The following KIRREL3 variants were observed in gnomAD, a reference collection of about 807,000 sequenced individuals.
KIRREL3 encodes the protein kin of IRRE-like protein 3.
A neutral mutation model predicts 89.7 loss-of-function variants in KIRREL3; 36 were observed. The ratio of observed to expected loss-of-function variants is 0.40; its 90% CI spans 0.31 to 0.53. The LOEUF (loss-of-function observed/expected upper bound fraction) is 0.53. Ranked by LOEUF, KIRREL3 falls within the 20% of genes least tolerant of loss-of-function variation. The pLI, the probability that KIRREL3 is intolerant of heterozygous loss-of-function variation, is 0.49. For synonymous variants in KIRREL3, 445 were observed against 441.4 expected (o/e 1.01, Z -0.10); for missense variants, 864 against 1,056.6 (o/e 0.82, Z 2.53).
At chr11:126,603,681 G>A (rs1248944932) in intron 1 of KIRREL3, among the ~76,000 whole-genome samples, 1 of 152,256 alleles carries the variant, frequency 6.6e-6, no homozygotes, top group Non-Finnish European at 1.5e-5. Context: ...GCAGCACATG[G>A]CTGCATGTTT....
At chr11:126,503,621 G>A (rs1293067965) in intron 4 of KIRREL3, among the ~76,000 whole-genome samples, 9 of 152,280 alleles carry the variant, frequency 5.9e-5, no homozygotes, top group East Asian at 1.9e-4. Context: ...GATGGCCTCC[G>A]GCTGCAGTTA....
chr11:126,890,533 C>T lies in KIRREL3; in HGVS notation c.55+109922G>A, dbSNP rs535131733. Among the ~76,000 whole-genome samples the T allele has an allele frequency of 7.9e-5, 12 of 152,056 alleles. No individual in the cohort carries two copies. In the East Asian group the frequency reaches 1.7e-3, roughly 22 times the overall value. On this transcript the variant is annotated intron_variant, in intron 1 of 16. Transcript: ENST00000525144. The surrounding 1 kb of genome is among the most constrained non-coding windows in gnomAD (Gnocchi z 5.1). The stretch of plus-strand genomic sequence containing the variant: ...CAAGCACTTTGCCATTTAATGGTGA[C>T]CAAATCCCTCCAGTTTTCTGCTCCC...
rs886244225 is a variant in KIRREL3, at chr11:126,783,920, A to G, written c.55+216535T>C. 2.2e-4 allele frequency among the ~76,000 whole-genome samples: 33 copies of G among 152,224 alleles called. No homozygotes were observed. Among genetic ancestry groups the G allele is most frequent in the African/African-American group, 7.5e-4 (31 of 41,454 alleles). ...AACAGTGATGTGCCATGTTGATAGCACACACCCTTGATAGGATACGATGGA... is the reference window on the plus strand; with the variant it reads ...AACAGTGATGTGCCATGTTGATAGCGCACACCCTTGATAGGATACGATGGA... On this transcript the variant is annotated intron_variant, in intron 1 of 16. Transcript: ENST00000525144. The surrounding 1 kb of genome is among the most constrained non-coding windows in gnomAD (Gnocchi z 4.3).
intron 1 of KIRREL3, among the ~76,000 whole-genome samples, chr11:126,602,509 T>C (rs1024740218): frequency 1.3e-5 from 2 of 152,202 alleles, no homozygotes; most frequent in Non-Finnish European, 2.9e-5. Context: ...CCCTGACAGA[T>C]GAGGGAGAGG....
intron 1 of KIRREL3, among the ~76,000 whole-genome samples, chr11:126,888,864 GA>G (rs1347337739): frequency 6.6e-6 from 1 of 152,174 alleles, no homozygotes; most frequent in Non-Finnish European, 1.5e-5. Context: ...TACACACCTG[GA>G]TTGCTGGTGC....
intron 1 of KIRREL3, among the ~76,000 whole-genome samples, chr11:126,582,300 G>A (rs1941592510): frequency 6.6e-6 from 1 of 152,240 alleles, no homozygotes; most frequent in Admixed American, 6.5e-5. Context: ...AGGATGCACT[G>A]CTTGCTAGTG....
chr11:126,784,866 A>C (rs950115812), intron 1 of KIRREL3, among the ~76,000 whole-genome samples: 1 of 152,194 alleles, frequency 6.6e-6, no homozygotes, highest in Non-Finnish European at 1.5e-5. Context: ...AGTCAATTAC[A>C]TCATAGATTA....
rs1169323487 is a variant in KIRREL3 at position 126,805,141 on chromosome 11, T to C, written c.55+195314A>G. Reference sequence around the variant, plus strand: ...TGAAGGAGTTATATGTGTGTGCATGTATGTATTCATACATTAATGTATTAA... The same window carrying C: ...TGAAGGAGTTATATGTGTGTGCATGCATGTATTCATACATTAATGTATTAA... On this transcript the variant is annotated intron_variant, in intron 1 of 16. Transcript: ENST00000525144. The surrounding 1 kb of genome is among the most constrained non-coding windows in gnomAD (Gnocchi z 4.3). Among the ~76,000 whole-genome samples the C allele has an allele frequency of 2.6e-5, 4 of 152,242 alleles. No individual in the cohort carries two copies. The highest frequency in any genetic ancestry group is 9.6e-5 in the African/African-American group (4 of 41,472).
At chr11:126,845,808 A>C (rs767425908) in intron 1 of KIRREL3, among the ~76,000 whole-genome samples, 4 of 152,192 alleles carry the variant, frequency 2.6e-5, no homozygotes, top group Admixed American at 6.5e-5. Context: ...AAGTTGGATA[A>C]AAAAAGATTT....
At chr11:126,855,260 C>T (rs1293185368) in intron 1 of KIRREL3, among the ~76,000 whole-genome samples, 4 of 152,202 alleles carry the variant, frequency 2.6e-5, no homozygotes, top group Admixed American at 6.5e-5. Context: ...TGGGCAGATT[C>T]GCCCTTGCGT....
intron 4 of KIRREL3, among the ~76,000 whole-genome samples, chr11:126,505,051 C>T (rs1680641708): frequency 6.6e-6 from 1 of 152,322 alleles, no homozygotes; most frequent in Middle Eastern, 3.4e-3. Context: ...TAACATTATA[C>T]TTTAAAATAG....
rs530027837 is a variant in KIRREL3, at chr11:126,611,431, C to T, written c.56-48519G>A. On this transcript the variant is annotated intron_variant, in intron 1 of 16. Coordinates refer to ENST00000525144, the MANE Select transcript of KIRREL3 (RefSeq NM_032531.4). This position sits in a 1 kb window ranked among gnomAD's most constrained non-coding sequence, Gnocchi z 4.7. ...CATCAGTCTGCATTCTCCTTGCCGT[C>T]CTTGGTATGCACACACATGCATGGA... Among the ~76,000 whole-genome samples the T allele has an allele frequency of 1.3e-5, 2 of 152,188 alleles. No homozygotes were observed. The highest frequency in any genetic ancestry group is 2.9e-5 in the Non-Finnish European group (2 of 68,044).
chr11:126,475,699 C>T lies in KIRREL3; in HGVS notation c.434-2233G>A, dbSNP rs1957044648. ...CGACCCCCCAGCCGCCCACCCCACA[C>T]CCTTTCATTAGTGCCCATGGGCCTC... On this transcript the variant is annotated intron_variant, in intron 4 of 16. Coordinates refer to ENST00000525144, the MANE Select transcript of KIRREL3 (RefSeq NM_032531.4). This position sits in a 1 kb window ranked among gnomAD's most constrained non-coding sequence, Gnocchi z 7.5. 1.3e-5 allele frequency among the ~76,000 whole-genome samples: 2 copies of T among 152,256 alleles called. No individual in the cohort carries two copies. Among genetic ancestry groups the T allele is most frequent in the South Asian group, 4.1e-4 (2 of 4,836 alleles).
chr11:126,770,551 G>A (rs1203101418), intron 1 of KIRREL3, among the ~76,000 whole-genome samples: 3 of 152,158 alleles, frequency 2.0e-5, no homozygotes, highest in Non-Finnish European at 4.4e-5. Flanking sequence ...AACGGAAGGC[G>A]AAGCACATCG....
rs950751282 is a variant in KIRREL3, at chr11:126,780,534, G to T, written c.56-217622C>A. Among the ~76,000 whole-genome samples the T allele has an allele frequency of 5.3e-5, 8 of 152,184 alleles. No individual in the cohort carries two copies. Among genetic ancestry groups the T allele is most frequent in the African/African-American group, 1.9e-4 (8 of 41,448 alleles). ...TCTTTGAAAAATGAATTTGGGGGCT[G>T]AGATTTCTCATCAGTATATATCTTC... On this transcript the variant is annotated intron_variant, in intron 1 of 16. Coordinates refer to ENST00000525144, the MANE Select transcript of KIRREL3 (RefSeq NM_032531.4). The surrounding 1 kb of genome is among the most constrained non-coding windows in gnomAD (Gnocchi z 5.3).
Position 126,571,912 on chromosome 11 carries a change from T to C in KIRREL3, c.56-9000A>G, listed in dbSNP as rs1347977989. Reference sequence around the variant, plus strand: ...GTGGGGGAACAGAGAAATAGGATCATGAAGGCCATTCCTGTCCTCCAGTCT... The same window carrying C: ...GTGGGGGAACAGAGAAATAGGATCACGAAGGCCATTCCTGTCCTCCAGTCT... On this transcript the variant is annotated intron_variant, in intron 1 of 16. Coordinates refer to ENST00000525144, the MANE Select transcript of KIRREL3 (RefSeq NM_032531.4). This position sits in a 1 kb window ranked among gnomAD's most constrained non-coding sequence, Gnocchi z 7.7. Among the ~76,000 whole-genome samples, 1 of 152,230 alleles carries C rather than the reference T, an allele frequency of 6.6e-6. No homozygotes were observed. The highest frequency in any genetic ancestry group is 2.4e-5 in the African/African-American group (1 of 41,458).
chr11:126,955,941 A>G lies in KIRREL3; in HGVS notation c.55+44514T>C, dbSNP rs548665924. ...CTGGAAACATGAATTGAATTACACA[A>G]CAAAATGCAAAATGTTAAACGTTCT... is the stretch of plus-strand genomic sequence containing the variant. On this transcript the variant is annotated intron_variant, in intron 1 of 16. Coordinates refer to ENST00000525144, the MANE Select transcript of KIRREL3 (RefSeq NM_032531.4). This position sits in a 1 kb window ranked among gnomAD's most constrained non-coding sequence, Gnocchi z 4.6. 7.6e-4 allele frequency among the ~76,000 whole-genome samples: 115 copies of G among 152,292 alleles called. No homozygotes were observed. In the Middle Eastern group the frequency reaches 0.02, roughly 27 times the overall value.
chr11:126,557,522 G>A lies in KIRREL3; in HGVS notation c.133+5313C>T, dbSNP rs1032541026. On this transcript the variant is annotated intron_variant, in intron 2 of 16. Transcript: ENST00000525144. The surrounding 1 kb of genome is among the most constrained non-coding windows in gnomAD (Gnocchi z 5.6). ...GAGAAGGTTGAGATCTTAGTGTCTA[G>A]GGACTTGCCCAAGCTCACACAGCCG... Among the ~76,000 whole-genome samples the A allele has an allele frequency of 6.6e-6, 1 of 152,178 alleles. No individual in the cohort carries two copies. The highest frequency in any genetic ancestry group is 2.4e-5 in the African/African-American group (1 of 41,446).
At chr11:126,573,217 T>A (rs1189994838) in intron 1 of KIRREL3, among the ~76,000 whole-genome samples, 1 of 152,182 alleles carries the variant, frequency 6.6e-6, no homozygotes, top group African/African-American at 2.4e-5. Context: ...TGGGCATGCG[T>A]TGCCTCGCGG....
Sources: gnomAD v4.1 joint callset for allele counts (sites outside exome capture counted in the v4.1 genomes callset) on GRCh38, gnomAD v4.1.1 for gene constraint, Gnocchi (gnomAD v3.1) non-coding constraint, MANE v1.5 for transcripts, NCBI Gene and HGNC (gene_info 2026-07-23, HGNC 2026-07-21) for gene names.